The following ATOH8 variants were observed in gnomAD, a reference collection of about 807,000 sequenced individuals.
ATOH8 encodes the protein atonal bHLH transcription factor 8, also known as transcription factor ATOH8.
In ATOH8, 9 loss-of-function variants were observed where a neutral mutation model predicts 21.2. The observed-to-expected ratio is 0.42, with a 90% confidence interval of 0.26 to 0.74. The LOEUF is 0.74. ATOH8 is among the 30% of genes least tolerant of loss of function. The pLI, the probability that ATOH8 is intolerant of heterozygous loss-of-function variation, is 0.24. For missense variants in ATOH8, 524 were observed against 470.9 expected (o/e 1.11, Z -1.04); for synonymous variants, 253 against 224.0 (o/e 1.13, Z -1.16).
chr2:85,781,141 A>T, intron 2 of ATOH8: 1 of 955,480 alleles, frequency 1.0e-6, no homozygotes, highest in Non-Finnish European at 1.2e-6. Context: ...GTACAGCGTA[A>T]TTCCACTTTT....
At chr2:85,757,690 G>A (rs953252382) in intron 1 of ATOH8, among the ~76,000 whole-genome samples, 1 of 152,128 alleles carries the variant, frequency 6.6e-6, no homozygotes, top group Non-Finnish European at 1.5e-5. Flanking sequence ...TGCTGAAGTT[G>A]TAAAATGGTA....
chr2:85,773,674 C>T (rs1211872207), intron 2 of ATOH8: 2 of 152,254 alleles, frequency 1.3e-5, no homozygotes, highest in Admixed American at 1.3e-4. Context: ...AAAAGCCCGT[C>T]ATTGACACGG....
At chr2:85,770,602 A>G (rs1680154614) in intron 2 of ATOH8, among the ~76,000 whole-genome samples, 1 of 152,086 alleles carries the variant, frequency 6.6e-6, no homozygotes, top group Non-Finnish European at 1.5e-5. Context: ...CCCATTTGAC[A>G]CTGTTAGGCC....
At position 85,785,673 on chromosome 2, in the gene ATOH8, T is replaced by G. The variant is rs577394832; in HGVS notation, c.961-1212T>G. ...AGCCTCTGTGTGGTAGAATGAACAC[T>G]GCCGATCTGGATTCAAATCCTGGCA... On this transcript the variant is annotated intron_variant, in intron 2 of 2. Coordinates refer to ENST00000306279, the MANE Select transcript of ATOH8 (RefSeq NM_032827.7). The surrounding 1 kb of genome is among the most constrained non-coding windows in gnomAD (Gnocchi z 4.1). 7.9e-5 allele frequency among the ~76,000 whole-genome samples: 12 copies of G among 152,322 alleles called. No individual in the cohort carries two copies. Among genetic ancestry groups the G allele is most frequent in the Admixed American group, 2.0e-4 (3 of 15,308 alleles).
In ATOH8 at chr2:85,788,158, G is replaced by A. The variant is rs1680670383; in HGVS notation, c.*1268G>A. 6.6e-6 allele frequency: 1 copy of A among 152,266 alleles called. No individual in the cohort carries two copies. The highest frequency in any genetic ancestry group is 1.5e-5 in the Non-Finnish European group (1 of 68,110). The allele number at this position is 152,266 out of a possible 1,614,324, so 9.4% of individuals were successfully genotyped here. ...GGAGGGGGTTGGTTTCTACCTACAG[G>A]TTGAGAGCCCTTCAGGATCAGGCGC... On this transcript the variant is annotated 3_prime_UTR_variant, in exon 3 of 3. Coordinates refer to ENST00000306279, the MANE Select transcript of ATOH8 (RefSeq NM_032827.7).
Position 85,754,806 on chromosome 2 carries a change from C to T in ATOH8, c.617C>T (p.Ser206Phe), listed in dbSNP as rs112625718. ...SHVIYNNHQDSSASPRKRPGE... is the reference protein window; with the variant it reads ...SHVIYNNHQDFSASPRKRPGE... ...GTAATTTACAATAACCACCAGGATT[C>T]CTCCGCGTCGCCTAGGAAACGACCG... Residue 206 changes from serine (S) to phenylalanine (F), a missense_variant, in exon 1 of 3, where the codon TCC (serine) becomes TTC (phenylalanine). Physicochemically the swap from Ser to Phe is radical, Grantham distance 155. Transcript: ENST00000306279. 3 of 1,612,810 alleles carry T rather than the reference C, an allele frequency of 1.9e-6. No individual in the cohort carries two copies.
intron 1 of ATOH8, among the ~76,000 whole-genome samples, chr2:85,761,100 T>C (rs1679859563): frequency 6.6e-6 from 1 of 152,084 alleles, no homozygotes; most frequent in African/African-American, 2.4e-5. Context: ...AGGAGCTGCC[T>C]CTAGGGGTCG....
intron 2 of ATOH8, among the ~76,000 whole-genome samples, chr2:85,779,513 TG>T (rs1453276315): frequency 6.6e-6 from 1 of 152,204 alleles, no homozygotes; most frequent in Non-Finnish European, 1.5e-5. Context: ...GCCCTGGCCC[TG>T]GGGGTGCTGG....
At chr2:85,778,172 A>G (rs993246999) in intron 2 of ATOH8, among the ~76,000 whole-genome samples, 1 of 152,238 alleles carries the variant, frequency 6.6e-6, no homozygotes, top group African/African-American at 2.4e-5. Flanking sequence ...CAGGTTAAGC[A>G]TCTTGCTCAA....
In ATOH8 at chr2:85,771,165, C is replaced by T. The variant is rs115084513; in HGVS notation, c.960+6983C>T. ...AGTGCTATCATTTAAGGCACAGGAA[C>T]GCACGCTATGGCGGCCCTCAGCAAA... On this transcript the variant is annotated intron_variant, in intron 2 of 2. Transcript: ENST00000306279. 7.3e-3 allele frequency among the ~76,000 whole-genome samples: 1,118 copies of T among 152,302 alleles called. 17 individuals carry two copies. Among genetic ancestry groups the T allele is most frequent in the African/African-American group, 0.025 (1,042 of 41,552 alleles).
Position 85,754,680 on chromosome 2 carries a change from C to T in ATOH8, c.491C>T (p.Ala164Val). 6.4e-7 allele frequency: 1 copy of T among 1,574,318 alleles called. No individual in the cohort carries two copies. The highest frequency in any genetic ancestry group is 8.6e-7 in the Non-Finnish European group (1 of 1,161,942). Residue 164 changes from alanine (A) to valine (V), a missense_variant, in exon 1 of 3, where the codon GCG becomes GTG. Coordinates refer to ENST00000306279, the MANE Select transcript of ATOH8 (RefSeq NM_032827.7). ...CTGTGCGCACCGCCCGCGCGCCCCG[C>T]GCCGTCAGCACCCCCAGCACCGCCA... Reference protein sequence around the residue: ...ILLCAPPARPAPSAPPAPPAP... With the variant: ...ILLCAPPARPVPSAPPAPPAP...
chr2:85,776,582 C>T (rs1031461307), intron 2 of ATOH8, among the ~76,000 whole-genome samples: 18 of 152,142 alleles, frequency 1.2e-4, no homozygotes, highest in Non-Finnish European at 2.1e-4. Context: ...TGTGCTGGCG[C>T]GTCCGTAGGC....
chr2:85,777,180 C>A (rs1439840834), intron 2 of ATOH8, among the ~76,000 whole-genome samples: 3 of 152,146 alleles, frequency 2.0e-5, no homozygotes, highest in African/African-American at 7.2e-5. Flanking sequence ...CTTCGGAACT[C>A]AGAGCTAAAC....
At chr2:85,775,435 T>C (rs1301264147) in intron 2 of ATOH8, among the ~76,000 whole-genome samples, 2 of 152,188 alleles carry the variant, frequency 1.3e-5, no homozygotes, top group African/African-American at 4.8e-5. Context: ...GCTCATACCC[T>C]TGTTCCCTTG....
intron 1 of ATOH8, among the ~76,000 whole-genome samples, chr2:85,763,014 T>G (rs1267455995): frequency 6.6e-6 from 1 of 152,098 alleles, no homozygotes; most frequent in Non-Finnish European, 1.5e-5. Context: ...ATCAATGATA[T>G]GGATGCCACG....
At chr2:85,769,028 G>A (rs1680103452) in intron 2 of ATOH8, among the ~76,000 whole-genome samples, 2 of 152,186 alleles carry the variant, frequency 1.3e-5, no homozygotes, top group Non-Finnish European at 2.9e-5. Flanking sequence ...TTTTAAAGCA[G>A]CAACTCCTGG....
At chr2:85,764,277 A>G in intron 2 of ATOH8, 95 bp downstream of exon 2, 9 of 1,478,216 alleles carry the variant, frequency 6.1e-6, no homozygotes, top group Non-Finnish European at 8.3e-6. Flanking sequence ...AGAATTCTGA[A>G]GGGGCCAGAG....
intron 1 of ATOH8, among the ~76,000 whole-genome samples, chr2:85,756,666 C>T (rs568250450): frequency 2.0e-5 from 3 of 152,240 alleles, no homozygotes; most frequent in East Asian, 1.9e-4. Context: ...TAATCCCTGT[C>T]GAAATTGGAT....
At chr2:85,763,813 T>C (rs1214395204) in intron 1 of ATOH8, among the ~76,000 whole-genome samples, 178 bp from the exon 2 acceptor site, 1 of 135,422 alleles carries the variant, frequency 7.4e-6, no homozygotes, top group Non-Finnish European at 1.6e-5. Flanking sequence ...TCAGAGCAGA[T>C]GAGCTGACGT....
Sources: allele counts gnomAD v4.1 joint callset (sites outside exome capture counted in the v4.1 genomes callset), GRCh38; gene constraint gnomAD v4.1.1; non-coding constraint Gnocchi (gnomAD v3.1); transcripts MANE v1.5; gene names NCBI Gene and HGNC (gene_info 2026-07-23, HGNC 2026-07-21).